Variants in NAP1L1 observed in about 807,000 individuals in gnomAD.
NAP1L1 encodes the protein nucleosome assembly protein 1 like 1.
Under a neutral mutation model 58.9 loss-of-function variants are expected in NAP1L1, and 9 were observed. The observed-to-expected ratio is 0.15, with a 90% CI of 0.09 to 0.27. The LOEUF is 0.27. Among genes scored for constraint, NAP1L1 ranks in the 10% least tolerant of loss-of-function variants. The probability of loss-of-function intolerance (pLI) is 1.00; values close to 1 mark genes in which losing one functional copy is unlikely to be tolerated. For missense variants in NAP1L1, 302 were observed against 458.8 expected (o/e 0.66, Z 3.12); for synonymous variants, 130 against 138.3 (o/e 0.94, Z 0.42).
chr12:76,080,635 ATTC>A (rs1950366100), intron 1 of NAP1L1, among the ~76,000 whole-genome samples: 1 of 152,212 alleles, frequency 6.6e-6, no homozygotes, highest in Non-Finnish European at 1.5e-5. Flanking sequence ...ATGTAAACAA[ATTC>A]TATGCTGGAA....
intron 12 of NAP1L1, among the ~76,000 whole-genome samples, chr12:76,050,218 G>T (rs1007945769): frequency 4.6e-5 from 7 of 151,980 alleles, no homozygotes; most frequent in African/African-American, 1.7e-4. Flanking sequence ...GTTTTCTTGT[G>T]CACTAAAGAA....
intron 1 of NAP1L1, 145 bp from the exon 2 acceptor site, chr12:76,074,384 GA>G (rs902251358): frequency 1.1e-5 from 15 of 1,315,096 alleles, no homozygotes; most frequent in African/African-American, 1.5e-5. Context: ...GTGTTAAGAA[GA>G]AAAAACTCAT....
intron 1 of NAP1L1, among the ~76,000 whole-genome samples, chr12:76,082,016 T>G (rs962516004): frequency 6.6e-6 from 1 of 152,170 alleles, no homozygotes; most frequent in Non-Finnish European, 1.5e-5. Context: ...TCCATACAGG[T>G]GCTAGATAGT....
chr12:76,057,491 G>A, intron 6 of NAP1L1: 1 of 666,076 alleles, frequency 1.5e-6, no homozygotes, highest in Non-Finnish European at 2.7e-6. Context: ...GGCAACAGTG[G>A]CGGGAGCAGA....
At position 76,071,727 on chromosome 12, in the gene NAP1L1, A is replaced by G. The variant is rs1949960695; in HGVS notation, c.17+2476T>C. Among the ~76,000 whole-genome samples, 3 of 152,180 alleles carry G rather than the reference A, an allele frequency of 2.0e-5. No homozygotes were observed. In the South Asian group the frequency reaches 6.2e-4, roughly 32 times the overall value. ...TAAAACAAGAAAGTAAAAACTGATA[A>G]GCAGTTAAATCATTAGATCTTCTCT... On this transcript the variant is annotated intron_variant, in intron 2 of 14. Transcript: ENST00000618691.
intron 1 of NAP1L1, chr12:76,083,929 C>T (rs552703112): frequency 2.6e-5 from 4 of 152,250 alleles, no homozygotes; most frequent in Admixed American, 2.0e-4. Context: ...GCCATGAAGC[C>T]CATTACCACG....
chr12:76,076,764 T>C (rs1297522689), intron 1 of NAP1L1, among the ~76,000 whole-genome samples: 1 of 151,966 alleles, frequency 6.6e-6, no homozygotes, highest in African/African-American at 2.4e-5. Context: ...GAAATGTGTC[T>C]CTGGGTGATT....
At position 76,042,693 on chromosome 12, in the gene NAP1L1, T is replaced by C. The variant is rs1948561695; in HGVS notation, c.*5736A>G. 6.6e-6 allele frequency: 1 copy of C among 152,294 alleles called. No individual in the cohort carries two copies. Among genetic ancestry groups the C allele is most frequent in the South Asian group, 2.1e-4 (1 of 4,824 alleles). 9.4% of individuals were successfully genotyped at this position (152,294 alleles called of 1,614,324 possible). ...CTGTGCGTTCAGTTTTTATGATACATGTACAAATTTTCTTTCACCTGAAAG... is the reference window on the plus strand; with the variant it reads ...CTGTGCGTTCAGTTTTTATGATACACGTACAAATTTTCTTTCACCTGAAAG... On this transcript the variant is annotated 3_prime_UTR_variant, in exon 15 of 15. Transcript: ENST00000618691.
At chr12:76,077,162 C>T (rs551606137) in intron 1 of NAP1L1, among the ~76,000 whole-genome samples, 2 of 152,308 alleles carry the variant, frequency 1.3e-5, no homozygotes, top group South Asian at 4.1e-4. Context: ...CCATTTGCAG[C>T]ATTACATTTA....
At position 76,055,028 on chromosome 12, in the gene NAP1L1, G is replaced by A. The variant is rs1949016917; in HGVS notation, c.621C>T (p.Gly207=). 6.2e-7 allele frequency: 1 copy of A among 1,603,216 alleles called. No homozygotes were observed. The highest frequency in any genetic ancestry group is 8.5e-7 in the Non-Finnish European group (1 of 1,175,134). The part of the protein sequence containing the change: ...KDIKVKFSDA[G]QPMSFVLEFH... ...TTCAAAGTTCTTTTACCATAGGCTG[G>A]CCAGCATCTGAGAACTTCACTTTAA... Residue 207 remains glycine (G), a synonymous_variant, in exon 8 of 15, where the codon GGC becomes GGT. Transcript: ENST00000618691.
chr12:76,079,594 A>G (rs1950322518), intron 1 of NAP1L1, among the ~76,000 whole-genome samples: 1 of 152,238 alleles, frequency 6.6e-6, no homozygotes, highest in South Asian at 2.1e-4. Context: ...ATTAAGATAA[A>G]AAGGTCACTT....
chr12:76,060,062 C>T, intron 5 of NAP1L1, 76 bp downstream of exon 5: 1 of 1,473,288 alleles, frequency 6.8e-7, no homozygotes, highest in South Asian at 1.2e-5. Flanking sequence ...AAAGATTAAC[C>T]TCTTCCAAGT....
Position 76,039,706 on chromosome 12 carries a change from C to T in NAP1L1, c.*8723G>A, listed in dbSNP as rs1375614843. 6.6e-6 allele frequency: 1 copy of T among 152,102 alleles called. No homozygotes were observed. The highest frequency in any genetic ancestry group is 6.6e-5 in the Admixed American group (1 of 15,264). 9.4% of individuals were successfully genotyped at this position (152,102 alleles called of 1,614,324 possible). A position where few individuals can be genotyped will look rare whatever the true frequency, so the allele number is the denominator to read the frequency against. ...TGTAGGGCCATCCAAATGCTGGCTC[C>T]AACACAACTCAACTGTGTCATTGTT... On this transcript the variant is annotated 3_prime_UTR_variant, in exon 15 of 15. Coordinates refer to ENST00000618691, the MANE Select transcript of NAP1L1 (RefSeq NM_004537.7).
At chr12:76,050,105 C>T (rs1393947076) in intron 12 of NAP1L1, among the ~76,000 whole-genome samples, 11 of 152,118 alleles carry the variant, frequency 7.2e-5, no homozygotes, top group Admixed American at 7.2e-4. Context: ...TAACAATTGC[C>T]GTTGAGCAAT....
At chr12:76,048,515 G>C in intron 14 of NAP1L1, 51 bp from the exon 15 acceptor site, 1 of 1,588,884 alleles carries the variant, frequency 6.3e-7, no homozygotes, top group Non-Finnish European at 8.6e-7. Context: ...CTGCTTCAGT[G>C]AATTTCTCAA....
chr12:76,068,277 T>C (rs1414179998), intron 3 of NAP1L1, among the ~76,000 whole-genome samples: 1 of 152,184 alleles, frequency 6.6e-6, no homozygotes. Flanking sequence ...TCTGTATCTG[T>C]TAAGAAAATG....
At chr12:76,048,681 C>T (rs1948686568) in intron 14 of NAP1L1, among the ~76,000 whole-genome samples, 1 of 152,094 alleles carries the variant, frequency 6.6e-6, no homozygotes, top group Non-Finnish European at 1.5e-5. Flanking sequence ...TAAAATGTGA[C>T]ACACGCTAAA....
intron 14 of NAP1L1, 69 bp downstream of exon 14, chr12:76,049,131 T>C: frequency 6.9e-7 from 1 of 1,448,434 alleles, no homozygotes; most frequent in Non-Finnish European, 9.7e-7. Flanking sequence ...AGAAACTTGA[T>C]ATTCAAAAAC....
At chr12:76,067,911 TTA>T (rs1402934046) in intron 3 of NAP1L1, among the ~76,000 whole-genome samples, 1 of 152,208 alleles carries the variant, frequency 6.6e-6, no homozygotes, top group Non-Finnish European at 1.5e-5. Flanking sequence ...ATCTGAATGT[TTA>T]TGTTTGATGC....
Sources: allele counts gnomAD v4.1 joint callset (sites outside exome capture counted in the v4.1 genomes callset), GRCh38; gene constraint gnomAD v4.1.1; transcripts MANE v1.5; gene names NCBI Gene and HGNC (gene_info 2026-07-23, HGNC 2026-07-21).